CENPP: variants seen among roughly 807,000 people sequenced by gnomAD.
CENPP encodes the protein centromere protein P.
In CENPP, 24 loss-of-function variants were observed where a neutral mutation model predicts 35.6. The observed-to-expected ratio is 0.67, with a 90% CI of 0.49 to 0.95. CENPP has a LOEUF of 0.95. Among genes scored for constraint, CENPP ranks in the 40% least tolerant of loss-of-function variants. CENPP has a pLI of 0.00. For missense variants in CENPP, 332 were observed against 345.3 expected (o/e 0.96, Z 0.31); for synonymous variants, 120 against 125.5 (o/e 0.96, Z 0.29).
At chr9:92,350,588 C>A (rs1216782141) in intron 4 of CENPP, among the ~76,000 whole-genome samples, 1 of 152,084 alleles carries the variant, frequency 6.6e-6, no homozygotes, top group Non-Finnish European at 1.5e-5. Flanking sequence ...TTTTTTTGCT[C>A]ACTTGTTTGA....
At position 92,432,635 on chromosome 9, in the gene CENPP, A is replaced by G. The variant is rs376333665; in HGVS notation, c.564+52776A>G. ...AAGAAGCGAGAGAGCACTCATAGGC[A>G]CGGGGAGCAGCCAGTACTCCACCCT... On this transcript the variant is annotated intron_variant, in intron 5 of 7. Coordinates refer to ENST00000375587, the MANE Select transcript of CENPP (RefSeq NM_001012267.3). Among the ~76,000 whole-genome samples the G allele has an allele frequency of 2.0e-5, 3 of 152,366 alleles. No homozygotes were observed. The East Asian group carries it at 5.8e-4, about 29-fold the overall frequency.
At chr9:92,567,584 T>G (rs1850027125) in intron 5 of CENPP, among the ~76,000 whole-genome samples, 1 of 151,900 alleles carries the variant, frequency 6.6e-6, no homozygotes, top group Admixed American at 6.6e-5. Flanking sequence ...ATTATTAGTC[T>G]AAAAGCTAAT....
intron 3 of CENPP, among the ~76,000 whole-genome samples, chr9:92,340,666 A>G (rs747155606): frequency 6.6e-6 from 1 of 152,114 alleles, no homozygotes; most frequent in African/African-American, 2.4e-5. Flanking sequence ...TCTAAACATA[A>G]ATTGTGAAGA....
chr9:92,531,916 G>A (rs762719607), intron 5 of CENPP, among the ~76,000 whole-genome samples: 5 of 151,180 alleles, frequency 3.3e-5, no homozygotes, highest in Non-Finnish European at 7.4e-5. Context: ...TGAAGATACG[G>A]TTGATTTTTT....
intron 5 of CENPP, chr9:92,511,943 C>T (rs972045684): frequency 8.3e-6 from 10 of 1,206,336 alleles, no homozygotes; most frequent in Non-Finnish European, 1.2e-5. Context: ...CTCCCTTCCC[C>T]ATCTCCAACC....
chr9:92,536,606 AC>A (rs1849176877), intron 5 of CENPP: 1 of 152,400 alleles, frequency 6.6e-6, no homozygotes, highest in Non-Finnish European at 1.5e-5. Context: ...ATTACCTGTT[AC>A]GCTGGCAAAT....
At chr9:92,591,384 A>G (rs1405114774) in intron 5 of CENPP, among the ~76,000 whole-genome samples, 1 of 151,714 alleles carries the variant, frequency 6.6e-6, no homozygotes, top group Non-Finnish European at 1.5e-5. Flanking sequence ...GCGCCACTGC[A>G]CTCCAGCCTG....
At chr9:92,416,813 G>A in intron 5 of CENPP, 5 of 1,613,712 alleles carry the variant, frequency 3.1e-6, no homozygotes, top group South Asian at 1.1e-5. Context: ...GTATTTTTCG[G>A]GTATAGAAGA....
At chr9:92,454,496 A>G (rs888334402) in intron 5 of CENPP, among the ~76,000 whole-genome samples, 2 of 152,184 alleles carry the variant, frequency 1.3e-5, no homozygotes, top group Admixed American at 6.5e-5. Context: ...ATGTTCTTAT[A>G]AGTGCCATGA....
chr9:92,408,519 G>T (rs75860335), intron 5 of CENPP, among the ~76,000 whole-genome samples: 5,441 of 152,172 alleles, frequency 0.036, 148 homozygotes, highest in Non-Finnish European at 0.053. Context: ...ACCTTCCCCT[G>T]ACCTTGGCAA....
At chr9:92,393,030 T>C in intron 5 of CENPP, 2 of 1,428,850 alleles carry the variant, frequency 1.4e-6, no homozygotes, top group South Asian at 2.6e-5. Context: ...CTTGTGTTTA[T>C]ATGAGTTAAA....
At chr9:92,368,305 A>G (rs954086014) in intron 4 of CENPP, among the ~76,000 whole-genome samples, 23 of 152,224 alleles carry the variant, frequency 1.5e-4, no homozygotes, top group Admixed American at 7.8e-4. Context: ...ACTGTCCCCA[A>G]GATATCTCAT....
chr9:92,526,360 A>G (rs1848411587), intron 5 of CENPP, among the ~76,000 whole-genome samples: 2 of 152,206 alleles, frequency 1.3e-5, no homozygotes, highest in South Asian at 4.1e-4. Flanking sequence ...TTAAGAAGGA[A>G]TTTTTTTAAA....
At chr9:92,466,833 T>C (rs1845332612) in intron 5 of CENPP, among the ~76,000 whole-genome samples, 1 of 152,230 alleles carries the variant, frequency 6.6e-6, no homozygotes. Context: ...TAGATAATAC[T>C]TTCATATGGC....
chr9:92,402,573 T>C (rs1362533845), intron 5 of CENPP, among the ~76,000 whole-genome samples: 2 of 152,184 alleles, frequency 1.3e-5, no homozygotes, highest in East Asian at 1.9e-4. Flanking sequence ...AAGTAATTAG[T>C]TTGCCCATAA....
At chr9:92,447,616 C>A (rs531815028) in intron 5 of CENPP, among the ~76,000 whole-genome samples, 1 of 152,286 alleles carries the variant, frequency 6.6e-6, no homozygotes, top group Non-Finnish European at 1.5e-5. Flanking sequence ...AGACCCCTGG[C>A]ATAGTGAATT....
intron 5 of CENPP, among the ~76,000 whole-genome samples, chr9:92,488,267 A>C (rs1846106561): frequency 6.6e-6 from 1 of 152,196 alleles, no homozygotes; most frequent in South Asian, 2.1e-4. Flanking sequence ...ATAAAGGGGG[A>C]ATAAATGCTA....
chr9:92,514,695 G>T (rs776302657), intron 5 of CENPP: 1 of 1,612,458 alleles, frequency 6.2e-7, no homozygotes, highest in Non-Finnish European at 8.5e-7. Context: ...GCATGGCGTT[G>T]ATGCAGCTGA....
chr9:92,494,160 T>G, intron 5 of CENPP: 1 of 1,596,852 alleles, frequency 6.3e-7, no homozygotes, highest in Non-Finnish European at 8.5e-7. Context: ...CTGAATAAAG[T>G]CAGAGTAAGA....
Sources: allele counts gnomAD v4.1 joint callset (sites outside exome capture counted in the v4.1 genomes callset), GRCh38; gene constraint gnomAD v4.1.1; transcripts MANE v1.5; gene names NCBI Gene and HGNC (gene_info 2026-07-23, HGNC 2026-07-21).